Variants in VANGL2 observed in about 807,000 individuals in gnomAD.
VANGL2 encodes vang-like protein 2.
A neutral mutation model predicts 50.2 loss-of-function variants in VANGL2; 14 were observed. That is an observed-to-expected ratio of 0.28 (90% CI 0.18 to 0.44). The LOEUF (loss-of-function observed/expected upper bound fraction) is 0.44. VANGL2 is among the 20% of genes least tolerant of loss of function. The probability of loss-of-function intolerance (pLI) is 1.00; values close to 1 mark genes in which losing one functional copy is unlikely to be tolerated. For missense variants in VANGL2, 533 were observed against 701.5 expected (o/e 0.76, Z 2.71); for synonymous variants, 295 against 297.2 (o/e 0.99, Z 0.08).
chr1:160,412,547 T>G (rs1650915439), intron 1 of VANGL2, among the ~76,000 whole-genome samples: 1 of 152,148 alleles, frequency 6.6e-6, no homozygotes, highest in Admixed American at 6.5e-5. Flanking sequence ...CATATATTTT[T>G]CAGGTAGGGG....
intron 1 of VANGL2, among the ~76,000 whole-genome samples, chr1:160,407,710 G>A (rs1650729394): frequency 6.6e-6 from 1 of 152,100 alleles, no homozygotes; most frequent in Non-Finnish European, 1.5e-5. Flanking sequence ...ACTGACTTAC[G>A]GGTCAGCACA....
chr1:160,403,054 C>T (rs2101941919), intron 1 of VANGL2, among the ~76,000 whole-genome samples: 1 of 152,224 alleles, frequency 6.6e-6, no homozygotes, highest in East Asian at 1.9e-4. Flanking sequence ...TCCCTACCCT[C>T]CCTAAGGCCT....
intron 1 of VANGL2, among the ~76,000 whole-genome samples, chr1:160,408,110 G>A (rs1275901878): frequency 5.3e-5 from 8 of 151,888 alleles, no homozygotes; most frequent in African/African-American, 1.5e-4. Flanking sequence ...ATGTGCACAC[G>A]TGTCTGCTTT....
intron 7 of VANGL2, 90 bp from the exon 8 acceptor site, chr1:160,425,028 C>A (rs1651402234): frequency 6.3e-7 from 1 of 1,596,142 alleles, no homozygotes; most frequent in Non-Finnish European, 8.6e-7. Flanking sequence ...TCAGGGACGT[C>A]CTTCTTGTCT....
chr1:160,411,803 A>G, intron 1 of VANGL2, among the ~76,000 whole-genome samples: 1 of 152,030 alleles, frequency 6.6e-6, no homozygotes, highest in East Asian at 1.9e-4. Flanking sequence ...ATTTATCTGT[A>G]GGGGAAATGA....
rs948356144 is a variant in VANGL2 at position 160,420,146 on chromosome 1, T to C, written c.801-265T>C. On this transcript the variant is annotated intron_variant, in intron 4 of 7. Transcript: ENST00000368061. ...ATCTTGGGGGAACGCTGAATGGGGATGAGGTGATCTTTGGCTGGGGACCCA... is the reference window on the plus strand; with the variant it reads ...ATCTTGGGGGAACGCTGAATGGGGACGAGGTGATCTTTGGCTGGGGACCCA... Among the ~76,000 whole-genome samples the C allele has an allele frequency of 3.3e-5, 5 of 152,020 alleles. 1 individual carries two copies. The highest frequency in any genetic ancestry group is 7.4e-5 in the Non-Finnish European group (5 of 67,978).
chr1:160,415,773 TG>T lies in VANGL2; in HGVS notation c.-61del. The stretch of plus-strand genomic sequence containing the variant: ...AAGCCGGTGCTGAAGGAGGTGGCTG[TG>T]GGGCCCCCCAAGAGGCCCCAGCCTG... On this transcript the variant is annotated 5_prime_UTR_variant, in exon 2 of 8. Transcript: ENST00000368061. The T allele has an allele frequency of 6.3e-7, 1 of 1,575,112 alleles. No homozygotes were observed. The highest frequency in any genetic ancestry group is 8.6e-7 in the Non-Finnish European group (1 of 1,160,042).
intron 3 of VANGL2, among the ~76,000 whole-genome samples, chr1:160,417,942 G>C (rs1166372127): frequency 7.8e-6 from 1 of 127,758 alleles, no homozygotes; most frequent in Non-Finnish European, 1.6e-5. Context: ...ATGGAGTTTC[G>C]CTCTTGTTGC....
chr1:160,418,870 C>A, intron 3 of VANGL2, 132 bp from the exon 4 acceptor site: 2 of 1,193,034 alleles, frequency 1.7e-6, no homozygotes, highest in Non-Finnish European at 2.3e-6. Context: ...ATTACCCTCT[C>A]TTCTTTCTGC....
At chr1:160,421,521 T>C (rs1295454000) in intron 6 of VANGL2, among the ~76,000 whole-genome samples, 4 of 152,212 alleles carry the variant, frequency 2.6e-5, no homozygotes, top group Admixed American at 6.5e-5. Context: ...CCTTGTCACA[T>C]AGCCCCATAG....
intron 1 of VANGL2, among the ~76,000 whole-genome samples, chr1:160,401,625 A>C (rs1388271395): frequency 6.6e-6 from 1 of 151,720 alleles, no homozygotes; most frequent in Non-Finnish European, 1.5e-5. Context: ...TTGGATGTGT[A>C]GGTGTTTTTC....
At chr1:160,411,722 G>A (rs998714111) in intron 1 of VANGL2, among the ~76,000 whole-genome samples, 6 of 152,118 alleles carry the variant, frequency 3.9e-5, no homozygotes, top group African/African-American at 1.2e-4. Context: ...AAGTAGCAGG[G>A]GAGGAAGATA....
At chr1:160,423,850 C>G (rs564429296) in intron 6 of VANGL2, among the ~76,000 whole-genome samples, 1 of 152,346 alleles carries the variant, frequency 6.6e-6, no homozygotes, top group South Asian at 2.1e-4. Flanking sequence ...CCCTCTGAGT[C>G]CCTGGGCTGG....
At chr1:160,413,409 A>T (rs1650948708) in intron 1 of VANGL2, among the ~76,000 whole-genome samples, 1 of 151,652 alleles carries the variant, frequency 6.6e-6, no homozygotes, top group South Asian at 2.1e-4. Context: ...CCTCCTAAGT[A>T]GCTGGGATTA....
chr1:160,411,891 A>C (rs1420338456), intron 1 of VANGL2, among the ~76,000 whole-genome samples: 9 of 151,420 alleles, frequency 5.9e-5, no homozygotes, highest in Admixed American at 1.3e-4. Context: ...TATGTGTGAG[A>C]CTTCTTTATT....
chr1:160,401,366 G>A (rs1650456664), intron 1 of VANGL2, among the ~76,000 whole-genome samples: 1 of 152,068 alleles, frequency 6.6e-6, no homozygotes, highest in African/African-American at 2.4e-5. Context: ...TCAGGGGGGC[G>A]GGTTGGGCAG....
Position 160,419,463 on chromosome 1 carries a change from C to G in VANGL2, c.654C>G (p.Phe218Leu). 6.2e-7 allele frequency: 1 copy of G among 1,609,038 alleles called. No individual in the cohort carries two copies. Among genetic ancestry groups the G allele is most frequent in the Non-Finnish European group, 8.5e-7 (1 of 1,179,992 alleles). ...RERSYQGVVQ[F>L]AVSLVDALLF... Reference sequence around the variant, plus strand: ...GCAGCTACCAGGGCGTGGTGCAGTTCGCCGTGTCGCTGGTGGACGCCCTTC... The same window carrying G: ...GCAGCTACCAGGGCGTGGTGCAGTTGGCCGTGTCGCTGGTGGACGCCCTTC... Residue 218 changes from phenylalanine (F) to leucine (L), a missense_variant, in exon 4 of 8, where the codon TTC becomes TTG. Physicochemically the swap from Phe to Leu is conservative, Grantham distance 22. Coordinates refer to ENST00000368061, the MANE Select transcript of VANGL2 (RefSeq NM_020335.3). The surrounding 1 kb of genome is among the most constrained non-coding windows in gnomAD (Gnocchi z 5.8).
At position 160,425,189 on chromosome 1, in the gene VANGL2, G is replaced by C. The variant is rs370979274; in HGVS notation, c.1377G>C (p.Gln459His). Residue 459 changes from glutamine (Q) to histidine (H), a missense_variant, in exon 8 of 8, where the codon CAG (glutamine) becomes CAC (histidine). By Grantham distance (24) the Gln-to-His change is conservative. Transcript: ENST00000368061. ...QYHKERWLAKQWTLVSEEPVT... is the reference protein window; with the variant it reads ...QYHKERWLAKHWTLVSEEPVT... ...ACAAGGAACGCTGGCTGGCCAAACAGTGGACATTGGTGAGCGAGGAGCCGG... is the reference window on the plus strand; with the variant it reads ...ACAAGGAACGCTGGCTGGCCAAACACTGGACATTGGTGAGCGAGGAGCCGG... 1 of 1,614,142 alleles carries C rather than the reference G, an allele frequency of 6.2e-7. No individual in the cohort carries two copies.
At chr1:160,424,406 C>G (rs1651378212) in intron 7 of VANGL2, 123 bp downstream of exon 7, 3 of 978,800 alleles carry the variant, frequency 3.1e-6, no homozygotes, top group Non-Finnish European at 4.8e-6. Flanking sequence ...CTCCTCACCA[C>G]CTCCTTTTTA....
Sources: allele counts gnomAD v4.1 joint callset (sites outside exome capture counted in the v4.1 genomes callset), GRCh38; gene constraint gnomAD v4.1.1; non-coding constraint Gnocchi (gnomAD v3.1); transcripts MANE v1.5; gene names NCBI Gene and HGNC (gene_info 2026-07-23, HGNC 2026-07-21).